The following SMYD3 variants were observed in gnomAD, a reference collection of about 807,000 sequenced individuals.
SMYD3 encodes SET and MYND domain containing 3, also known as histone-lysine N-methyltransferase SMYD3.
In SMYD3, 36 loss-of-function variants were observed where a neutral mutation model predicts 57.7. That is an observed-to-expected ratio of 0.62 (90% CI 0.48 to 0.82). The LOEUF is 0.82. Among genes scored for constraint, SMYD3 ranks in the 40% least tolerant of loss-of-function variants. The pLI, the probability that SMYD3 is intolerant of heterozygous loss-of-function variation, is 0.00. For synonymous variants in SMYD3, 211 were observed against 195.0 expected (o/e 1.08, Z -0.68); for missense variants, 515 against 538.8 (o/e 0.96, Z 0.44).
chr1:245,858,352 A>G, intron 10 of SMYD3, 144 bp downstream of exon 10: 1 of 822,200 alleles, frequency 1.2e-6, no homozygotes. Context: ...AGTGAATAAA[A>G]TAAGACTTGG....
chr1:245,824,901 T>C (rs1572445929), intron 10 of SMYD3, among the ~76,000 whole-genome samples: 1 of 144,974 alleles, frequency 6.9e-6, no homozygotes, highest in Non-Finnish European at 1.5e-5. Flanking sequence ...TGTGGCGGCG[T>C]GTACCTGCAA....
At chr1:246,449,638 G>C (rs763770791) in intron 1 of SMYD3, among the ~76,000 whole-genome samples, 4 of 152,110 alleles carry the variant, frequency 2.6e-5, no homozygotes, top group Non-Finnish European at 4.4e-5. Context: ...GAATCTCTTT[G>C]AACGCCCATT....
At chr1:246,157,023 C>G (rs1015813875) in intron 5 of SMYD3, among the ~76,000 whole-genome samples, 2 of 152,218 alleles carry the variant, frequency 1.3e-5, no homozygotes, top group Non-Finnish European at 2.9e-5. Flanking sequence ...AGGTCATACG[C>G]AGACCGCAAA....
intron 11 of SMYD3, among the ~76,000 whole-genome samples, chr1:245,751,987 T>A (rs945052270): frequency 1.3e-5 from 2 of 152,254 alleles, no homozygotes; most frequent in Non-Finnish European, 2.9e-5. Context: ...ATGGAGCACA[T>A]GCCTCGTGTT....
intron 5 of SMYD3, among the ~76,000 whole-genome samples, chr1:246,062,167 G>A (rs2060265371): frequency 8.6e-6 from 1 of 115,666 alleles, no homozygotes. Context: ...ATCCACATGT[G>A]ATTCATTCAC....
intron 5 of SMYD3, among the ~76,000 whole-genome samples, chr1:246,211,278 T>C (rs544665902): frequency 6.6e-5 from 10 of 152,272 alleles, no homozygotes; most frequent in African/African-American, 2.4e-4. Flanking sequence ...CATTTTAGCA[T>C]TGATTTCTGC....
intron 5 of SMYD3, among the ~76,000 whole-genome samples, chr1:246,296,266 A>G (rs1467830110): frequency 8.5e-5 from 13 of 152,186 alleles, no homozygotes; most frequent in Non-Finnish European, 1.6e-4. Flanking sequence ...TTGTTTCTAC[A>G]ACGATTCAAG....
chr1:246,304,853 C>A (rs777522354), intron 5 of SMYD3, among the ~76,000 whole-genome samples: 3 of 152,138 alleles, frequency 2.0e-5, no homozygotes, highest in African/African-American at 4.8e-5. Context: ...CTGTGGGCTG[C>A]GGCTTGTTTG....
At chr1:245,817,131 A>T (rs2048867165) in intron 10 of SMYD3, among the ~76,000 whole-genome samples, 1 of 151,132 alleles carries the variant, frequency 6.6e-6, no homozygotes, top group African/African-American at 2.4e-5. Context: ...TAACCTCTGC[A>T]GACTTAAGTG....
Position 245,990,090 on chromosome 1 carries a change from C to A in SMYD3, c.532-60153G>T, listed in dbSNP as rs372181292. On this transcript the variant is annotated intron_variant, in intron 5 of 11. Transcript: ENST00000490107. ...TTTTATTATTTATTTATTTTTGAGA[C>A]AGGGCCTCAGTCTGTGGCTCCCAAG... Among the ~76,000 whole-genome samples the A allele has an allele frequency of 3.3e-5, 5 of 152,106 alleles. No individual in the cohort carries two copies. In the East Asian group the frequency reaches 9.7e-4, roughly 29 times the overall value.
At chr1:246,245,024 T>A (rs542871587) in intron 5 of SMYD3, among the ~76,000 whole-genome samples, 1 of 151,916 alleles carries the variant, frequency 6.6e-6, no homozygotes, top group Non-Finnish European at 1.5e-5. Context: ...CTCTTAGGCA[T>A]CATTAATGTT....
chr1:245,955,144 T>C (rs6703592), intron 5 of SMYD3, among the ~76,000 whole-genome samples: 25,307 of 152,174 alleles, frequency 0.17, 2,344 homozygotes, highest in East Asian at 0.33. Context: ...CAGGCTGGAC[T>C]GCAGTGGCGC....
At chr1:245,915,459 T>A (rs2055337997) in intron 8 of SMYD3, 71 bp downstream of exon 8, 7 of 967,922 alleles carry the variant, frequency 7.2e-6, no homozygotes, top group Non-Finnish European at 9.7e-6. Context: ...TTATGAAATC[T>A]AGGCAGAGTT....
chr1:246,307,774 G>A (rs1216511696), intron 5 of SMYD3, among the ~76,000 whole-genome samples: 1 of 152,134 alleles, frequency 6.6e-6, no homozygotes, highest in African/African-American at 2.4e-5. Context: ...CTCACAAAGG[G>A]AAGTGAGGCT....
intron 1 of SMYD3, among the ~76,000 whole-genome samples, chr1:246,443,576 A>G (rs1199613318): frequency 6.6e-6 from 1 of 152,334 alleles, no homozygotes; most frequent in South Asian, 2.1e-4. Flanking sequence ...TAGAGATGCT[A>G]GCCAGTCTGG....
intron 5 of SMYD3, among the ~76,000 whole-genome samples, chr1:246,036,580 G>A (rs1453188321): frequency 2.7e-5 from 4 of 148,390 alleles, no homozygotes; most frequent in African/African-American, 5.0e-5. Flanking sequence ...TTGAGACGGA[G>A]TCTCGCTTTG....
At chr1:245,968,714 C>A (rs1307458686) in intron 5 of SMYD3, among the ~76,000 whole-genome samples, 2 of 152,198 alleles carry the variant, frequency 1.3e-5, no homozygotes, top group African/African-American at 2.4e-5. Flanking sequence ...ACAATGGACA[C>A]AATGGTACCT....
chr1:246,254,816 G>T (rs900581323), intron 5 of SMYD3, among the ~76,000 whole-genome samples: 10 of 152,134 alleles, frequency 6.6e-5, no homozygotes, highest in Admixed American at 2.6e-4. Flanking sequence ...TTTCAGCAGT[G>T]TTTTCTAATC....
intron 5 of SMYD3, among the ~76,000 whole-genome samples, chr1:246,011,635 C>A (rs1024532749): frequency 6.6e-6 from 1 of 152,184 alleles, no homozygotes; most frequent in Non-Finnish European, 1.5e-5. Flanking sequence ...GCTATCTCAA[C>A]AGAGTTCATT....
Sources: allele counts gnomAD v4.1 joint callset (sites outside exome capture counted in the v4.1 genomes callset), GRCh38; gene constraint gnomAD v4.1.1; transcripts MANE v1.5; gene names NCBI Gene and HGNC (gene_info 2026-07-23, HGNC 2026-07-21).